The following SMAD2 variants were observed in gnomAD, a reference collection of about 807,000 sequenced individuals.
The protein encoded by SMAD2 is MAD homolog 2.
SMAD2 carries 8 observed loss-of-function variants against 64.4 expected under a neutral mutation model. The observed-to-expected ratio is 0.12, with a 90% CI of 0.07 to 0.22. The LOEUF (loss-of-function observed/expected upper bound fraction) is 0.22. Ranked by LOEUF, SMAD2 falls within the 10% of genes least tolerant of loss-of-function variation. The probability of loss-of-function intolerance (pLI) is 1.00; values close to 1 mark genes in which losing one functional copy is unlikely to be tolerated. For synonymous variants in SMAD2, 203 were observed against 195.8 expected, an observed-to-expected ratio of 1.04 and a Z score of -0.31; for missense variants, 289 against 561.2, an observed-to-expected ratio of 0.51 and a Z score of 4.90.
chr18:47,875,660 A>G (rs1355348505), intron 2 of SMAD2, among the ~76,000 whole-genome samples: 1 of 152,156 alleles, frequency 6.6e-6, no homozygotes, highest in Non-Finnish European at 1.5e-5. Flanking sequence ...CTACTTTAAA[A>G]TGCAACATTA....
chr18:47,837,579 A>AC lies in SMAD2; in HGVS notation c.*4247dup, dbSNP rs397688842. On this transcript the variant is annotated 3_prime_UTR_variant, in exon 11 of 11. Transcript: ENST00000262160. Reference sequence around the variant, plus strand: ...TCCCTCTCAAAAAAAAAAAAAAAAAACAAAAAACAAGGCTAACAAGAAAGA... The same window carrying AC: ...TCCCTCTCAAAAAAAAAAAAAAAAAACCAAAAAACAAGGCTAACAAGAAAGA... 2.2e-5 allele frequency: 5 copies of AC among 224,690 alleles called. No homozygotes were observed. The highest frequency in any genetic ancestry group is 4.4e-5 in the Non-Finnish European group (5 of 114,776). The allele number at this position is 224,690 out of a possible 1,614,324, so 13.9% of individuals were successfully genotyped here.
chr18:47,820,895 AT>A lies in SMAD2; in HGVS notation c.*20931del, dbSNP rs1912548227. Reference sequence around the variant, plus strand: ...ATAGTGTAAATGCTATACATGCACTATACACACACACACACACACACACACA... The same window carrying A: ...ATAGTGTAAATGCTATACATGCACTAACACACACACACACACACACACACA... On this transcript the variant is annotated 3_prime_UTR_variant, in exon 11 of 11. Transcript: ENST00000262160. 2 of 91,858 alleles carry A rather than the reference AT, an allele frequency of 2.2e-5. No individual in the cohort carries two copies. The highest frequency in any genetic ancestry group is 1.2e-4 in the Admixed American group (1 of 8,522). 5.7% of individuals were successfully genotyped at this position (91,858 alleles called of 1,614,324 possible).
chr18:47,842,906 T>C (rs77230602), intron 10 of SMAD2, among the ~76,000 whole-genome samples: 4,032 of 152,274 alleles, frequency 0.026, 175 homozygotes, highest in African/African-American at 0.092. Context: ...TTCCATCTTA[T>C]TTGCTATACA....
At chr18:47,922,107 C>G (rs1285069808) in intron 1 of SMAD2, among the ~76,000 whole-genome samples, 6 of 152,082 alleles carry the variant, frequency 3.9e-5, no homozygotes, top group Non-Finnish European at 8.8e-5. Context: ...ATGTAGAAAG[C>G]AAAAGTAGAT....
intron 1 of SMAD2, among the ~76,000 whole-genome samples, chr18:47,901,657 C>G (rs1395800825): frequency 6.6e-6 from 1 of 152,214 alleles, no homozygotes; most frequent in African/African-American, 2.4e-5. Flanking sequence ...TATACTTTTA[C>G]TACTTCCTCT....
At chr18:47,930,280 AT>A (rs1173091246) in intron 1 of SMAD2, 80 bp downstream of exon 1, 1 of 151,926 alleles carries the variant, frequency 6.6e-6, no homozygotes, top group East Asian at 2.0e-4. Flanking sequence ...CGCAGCGGCC[AT>A]GTGACACGGC....
At chr18:47,850,992 C>G (rs2144318006) in intron 7 of SMAD2, among the ~76,000 whole-genome samples, 1 of 145,472 alleles carries the variant, frequency 6.9e-6, no homozygotes, top group Admixed American at 7.2e-5. Context: ...CCATAAAAAT[C>G]TAGCCATAAC....
intron 6 of SMAD2, among the ~76,000 whole-genome samples, chr18:47,851,551 A>T (rs977947400): frequency 6.6e-6 from 1 of 152,118 alleles, no homozygotes; most frequent in African/African-American, 2.4e-5. Flanking sequence ...TTTGGCTTCT[A>T]GCCCAACAGT....
Position 47,881,676 on chromosome 18 carries a change from CAG to C in SMAD2, c.237-11114_237-11113del, listed in dbSNP as rs575649956. 9.9e-5 allele frequency among the ~76,000 whole-genome samples: 15 copies of C among 152,266 alleles called. No individual in the cohort carries two copies. The East Asian group carries it at 2.9e-3, about 29-fold the overall frequency. ...CCTGTCTTGTTCTTGAGGGAAAACA[CAG>C]TATTTCATGATTAAGTAAATCCTTA... is the stretch of plus-strand genomic sequence containing the variant. On this transcript the variant is annotated intron_variant, in intron 2 of 10. Coordinates refer to ENST00000262160, the MANE Select transcript of SMAD2 (RefSeq NM_005901.6).
At chr18:47,863,732 T>G (rs2031357666) in intron 6 of SMAD2, among the ~76,000 whole-genome samples, 1 of 152,208 alleles carries the variant, frequency 6.6e-6, no homozygotes, top group Non-Finnish European at 1.5e-5. Context: ...ACTTTGAATA[T>G]TAAGAATAAT....
chr18:47,882,074 A>G (rs2032636471), intron 2 of SMAD2, among the ~76,000 whole-genome samples: 1 of 49,956 alleles, frequency 2.0e-5, no homozygotes, highest in Non-Finnish European at 3.7e-5. Flanking sequence ...TTTTGTGGAG[A>G]CAGAGTCTTA....
At chr18:47,894,123 ACTGCTGTAC>A (rs2144465335) in intron 2 of SMAD2, among the ~76,000 whole-genome samples, 1 of 152,324 alleles carries the variant, frequency 6.6e-6, no homozygotes, top group Admixed American at 6.5e-5. Flanking sequence ...CAATTTTAGT[ACTGCTGTAC>A]CTCCCTAAAA....
rs1415854728 is a variant in SMAD2, at chr18:47,822,807, GC to G, written c.*19019del. The stretch of plus-strand genomic sequence containing the variant: ...CAATTCTGTCTCAGCCTCCCAAGTA[GC>G]TGGGACTACAGGCATGCACCACCAC... On this transcript the variant is annotated 3_prime_UTR_variant, in exon 11 of 11. Coordinates refer to ENST00000262160, the MANE Select transcript of SMAD2 (RefSeq NM_005901.6). The G allele has an allele frequency of 6.6e-6, 1 of 152,196 alleles. No individual in the cohort carries two copies. The highest frequency in any genetic ancestry group is 2.4e-5 in the African/African-American group (1 of 41,444). The allele number at this position is 152,196 out of a possible 1,614,324, so 9.4% of individuals were successfully genotyped here. A position where few individuals can be genotyped will look rare whatever the true frequency, so the allele number is the denominator to read the frequency against.
Position 47,817,437 on chromosome 18 carries a change from G to A in SMAD2, c.*24390C>T, listed in dbSNP as rs1431471206. On this transcript the variant is annotated 3_prime_UTR_variant, in exon 11 of 11. Coordinates refer to ENST00000262160, the MANE Select transcript of SMAD2 (RefSeq NM_005901.6). ...CAAGTCCTTTTTGATATAAAGACAA[G>A]TGTCCCTCTGGTTTGAGTACTCTGG... 2 of 152,178 alleles carry A rather than the reference G, an allele frequency of 1.3e-5. No individual in the cohort carries two copies. The highest frequency in any genetic ancestry group is 2.4e-5 in the African/African-American group (1 of 41,444). 9.4% of individuals were successfully genotyped at this position (152,178 alleles called of 1,614,324 possible).
In SMAD2 at chr18:47,835,094, TTTTC is replaced by T. The variant is rs1205727624; in HGVS notation, c.*6729_*6732del. ...CTGTTCTCATCTTAATCGCTGTAGT[TTTTC>T]TTTCTTTACTCTTTTGTATAAAAGG... On this transcript the variant is annotated 3_prime_UTR_variant, in exon 11 of 11. Coordinates refer to ENST00000262160, the MANE Select transcript of SMAD2 (RefSeq NM_005901.6). 4 of 218,970 alleles carry T rather than the reference TTTTC, an allele frequency of 1.8e-5. No homozygotes were observed. The highest frequency in any genetic ancestry group is 5.8e-5 in the Admixed American group (1 of 17,252). 13.6% of individuals were successfully genotyped at this position (218,970 alleles called of 1,614,324 possible). A position where few individuals can be genotyped will look rare whatever the true frequency, so the allele number is the denominator to read the frequency against.
intron 1 of SMAD2, among the ~76,000 whole-genome samples, chr18:47,918,979 A>G (rs1290288910): frequency 6.6e-6 from 1 of 152,190 alleles, no homozygotes; most frequent in Non-Finnish European, 1.5e-5. Flanking sequence ...CTAGATGGAA[A>G]GGGCCCATCA....
At position 47,812,273 on chromosome 18, in the gene SMAD2, G is replaced by A. The variant is rs983736731; in HGVS notation, c.*29554C>T. 1 of 152,124 alleles carries A rather than the reference G, an allele frequency of 6.6e-6. No homozygotes were observed. Among genetic ancestry groups the A allele is most frequent in the African/African-American group, 2.4e-5 (1 of 41,442 alleles). The allele number at this position is 152,124 out of a possible 1,614,324, so 9.4% of individuals were successfully genotyped here. A position where few individuals can be genotyped will look rare whatever the true frequency, so the allele number is the denominator to read the frequency against. On this transcript the variant is annotated 3_prime_UTR_variant, in exon 11 of 11. Transcript: ENST00000262160. ...GGAGTTCCCCTACACAAGCTCTCTC[G>A]CCTGATGCCATGTAAGATGTGTCTT...
Position 47,858,590 on chromosome 18 carries a change from TTTA to T in SMAD2, c.730+6466_730+6468del, listed in dbSNP as rs1383437849. Among the ~76,000 whole-genome samples, 8 of 152,302 alleles carry T rather than the reference TTTA, an allele frequency of 5.3e-5. No individual in the cohort carries two copies. In the East Asian group the frequency reaches 1.5e-3, roughly 29 times the overall value. On this transcript the variant is annotated intron_variant, in intron 6 of 10. Coordinates refer to ENST00000262160, the MANE Select transcript of SMAD2 (RefSeq NM_005901.6). ...CACTGAACTTTGGGGTTTATATATT[TTTA>T]TTAAGTAAAATACATGTCAATAATA... is the stretch of plus-strand genomic sequence containing the variant.
chr18:47,846,203 T>C (rs1238586350), intron 8 of SMAD2, among the ~76,000 whole-genome samples: 2 of 152,108 alleles, frequency 1.3e-5, no homozygotes, highest in East Asian at 1.9e-4. Context: ...AGAAAAAAGA[T>C]GTAAAAACAT....
Sources: allele counts gnomAD v4.1 joint callset (sites outside exome capture counted in the v4.1 genomes callset), GRCh38; gene constraint gnomAD v4.1.1; transcripts MANE v1.5; gene names NCBI Gene and HGNC (gene_info 2026-07-23, HGNC 2026-07-21).